Variants in KCNH1 observed in about 807,000 individuals in gnomAD.
KCNH1 encodes potassium voltage-gated channel subfamily H member 1, also known as voltage-gated delayed rectifier potassium channel KCNH1.
KCNH1 carries 27 observed loss-of-function variants against 69.2 expected under a neutral mutation model. The ratio of observed to expected loss-of-function variants is 0.39; its 90% CI spans 0.29 to 0.54. The LOEUF (loss-of-function observed/expected upper bound fraction) is 0.54. Among genes scored for constraint, KCNH1 ranks in the 20% least tolerant of loss-of-function variants. KCNH1 has a pLI of 0.68. For missense variants in KCNH1, 798 were observed against 1,261.6 expected (o/e 0.63, Z 5.57); for synonymous variants, 456 against 487.7 (o/e 0.93, Z 0.86).
intron 5 of KCNH1, among the ~76,000 whole-genome samples, chr1:211,043,911 C>A (rs1450689411): frequency 1.3e-5 from 2 of 152,140 alleles, no homozygotes; most frequent in Non-Finnish European, 2.9e-5. Flanking sequence ...TTAAAACTCT[C>A]AGCCAAATCA....
intron 7 of KCNH1, among the ~76,000 whole-genome samples, chr1:210,893,179 T>C (rs538731308): frequency 6.6e-6 from 1 of 152,294 alleles, no homozygotes; most frequent in African/African-American, 2.4e-5. Context: ...TCTGTTTACA[T>C]TTTTTATAGT....
chr1:210,924,193 G>C (rs1687520323), intron 6 of KCNH1, among the ~76,000 whole-genome samples: 1 of 152,220 alleles, frequency 6.6e-6, no homozygotes, highest in Non-Finnish European at 1.5e-5. Context: ...CTAACCTCCA[G>C]AACTGTGAGA....
chr1:211,065,660 A>G (rs1690516369), intron 5 of KCNH1, among the ~76,000 whole-genome samples: 1 of 152,202 alleles, frequency 6.6e-6, no homozygotes, highest in Admixed American at 6.5e-5. Flanking sequence ...AAATATAAGT[A>G]TGTGAGGTGA....
chr1:210,721,950 C>T (rs1158123462), intron 10 of KCNH1, among the ~76,000 whole-genome samples: 1 of 152,114 alleles, frequency 6.6e-6, no homozygotes, highest in Non-Finnish European at 1.5e-5. Context: ...TCTAAATGGA[C>T]TCAGGGTCTG....
At position 210,879,263 on chromosome 1, in the gene KCNH1, T is replaced by C. The variant is rs140543249; in HGVS notation, c.1462+40377A>G. ...AAACAGAATACTTCCTAACTCATTC[T>C]AGGAGGCCAGGATTACACTAATGCC... On this transcript the variant is annotated intron_variant, in intron 7 of 10. Transcript: ENST00000271751. Among the ~76,000 whole-genome samples the C allele has an allele frequency of 3.7e-3, 560 of 152,206 alleles. 4 individuals are homozygous for C. The highest frequency in any genetic ancestry group is 0.013 in the African/African-American group (541 of 41,580).
chr1:211,070,428 AAAACACAC>A (rs1378788180), intron 5 of KCNH1, among the ~76,000 whole-genome samples: 2 of 114,178 alleles, frequency 1.8e-5, no homozygotes, highest in African/African-American at 3.1e-5. Context: ...TAAAAAAAAA[AAAACACAC>A]ACACACACAC....
chr1:211,008,451 G>A (rs1689325895), intron 6 of KCNH1, among the ~76,000 whole-genome samples: 1 of 152,180 alleles, frequency 6.6e-6, no homozygotes, highest in South Asian at 2.1e-4. Flanking sequence ...TTCTTATGCA[G>A]CATTATACAA....
rs568153627 is a variant in KCNH1, at chr1:211,123,434, C to G, written c.79+10433G>C. Among the ~76,000 whole-genome samples the G allele has an allele frequency of 3.3e-5, 5 of 152,092 alleles. No homozygotes were observed. The South Asian group carries it at 1.0e-3, about 32-fold the overall frequency. On this transcript the variant is annotated intron_variant, in intron 1 of 10. Coordinates refer to ENST00000271751, the MANE Select transcript of KCNH1 (RefSeq NM_172362.3). The stretch of plus-strand genomic sequence containing the variant: ...GATACACAGGGGAGCATCTATGAGG[C>G]CATTTGAAGGGAGAACTGGACAGAA...
At chr1:211,094,851 C>G (rs1318133145) in intron 3 of KCNH1, among the ~76,000 whole-genome samples, 2 of 152,118 alleles carry the variant, frequency 1.3e-5, no homozygotes, top group Non-Finnish European at 2.9e-5. Flanking sequence ...TGGTACAGAC[C>G]AGTATTTCAA....
intron 5 of KCNH1, among the ~76,000 whole-genome samples, chr1:211,028,572 A>G (rs1689725325): frequency 6.6e-6 from 1 of 152,130 alleles, no homozygotes; most frequent in Non-Finnish European, 1.5e-5. Context: ...TAAAAAGAGA[A>G]GACAGAAATT....
chr1:210,872,546 C>A (rs922923356), intron 7 of KCNH1, among the ~76,000 whole-genome samples: 1 of 152,116 alleles, frequency 6.6e-6, no homozygotes, highest in Admixed American at 6.6e-5. Flanking sequence ...GCAGGCTGTA[C>A]AGAAAGCACG....
intron 7 of KCNH1, among the ~76,000 whole-genome samples, chr1:210,865,261 T>A (rs563909112): frequency 2.1e-4 from 32 of 152,374 alleles, no homozygotes; most frequent in African/African-American, 7.5e-4. Flanking sequence ...AATATTTTCA[T>A]ATGACAGCTC....
At chr1:210,914,928 C>G (rs1235867014) in intron 7 of KCNH1, among the ~76,000 whole-genome samples, 1 of 151,932 alleles carries the variant, frequency 6.6e-6, no homozygotes. Context: ...CTACCATTAG[C>G]AGAGAGAAAG....
At chr1:211,015,206 C>T (rs555855342) in intron 6 of KCNH1, among the ~76,000 whole-genome samples, 15 of 152,352 alleles carry the variant, frequency 9.8e-5, no homozygotes, top group African/African-American at 3.4e-4. Context: ...TTCTCTACCA[C>T]ATTCAGCCAA....
At chr1:210,787,651 C>CTGGGTATCCTTAGGCAGCTACAATG (rs1684129602) in intron 9 of KCNH1, among the ~76,000 whole-genome samples, 1 of 152,160 alleles carries the variant, frequency 6.6e-6, no homozygotes, top group Non-Finnish European at 1.5e-5. Context: ...GTGCAAGAAC[C>CTGGGTATCCTTAGGCAGCTACAATG]TGGGTATCCT....
chr1:210,875,219 A>T (rs894376873), intron 7 of KCNH1, among the ~76,000 whole-genome samples: 1 of 152,240 alleles, frequency 6.6e-6, no homozygotes, highest in Non-Finnish European at 1.5e-5. Context: ...TATCTATCAG[A>T]AACCTAGAGT....
chr1:211,047,717 C>G (rs989903301), intron 5 of KCNH1, among the ~76,000 whole-genome samples: 1 of 152,102 alleles, frequency 6.6e-6, no homozygotes, highest in Non-Finnish European at 1.5e-5. Flanking sequence ...AAGCAGTATT[C>G]AAAAACTAAT....
intron 10 of KCNH1, among the ~76,000 whole-genome samples, chr1:210,771,136 G>T (rs532239749): frequency 7.8e-4 from 118 of 152,190 alleles, no homozygotes; most frequent in Non-Finnish European, 1.5e-3. Flanking sequence ...ACAGACACAA[G>T]ATGATTCTAG....
intron 6 of KCNH1, among the ~76,000 whole-genome samples, chr1:211,007,840 C>G (rs1257696313): frequency 6.6e-6 from 1 of 152,068 alleles, no homozygotes; most frequent in East Asian, 1.9e-4. Context: ...TATAAAGAAT[C>G]CAAATTACAC....
Sources: gnomAD v4.1 joint callset for allele counts (sites outside exome capture counted in the v4.1 genomes callset) on GRCh38, gnomAD v4.1.1 for gene constraint, MANE v1.5 for transcripts, NCBI Gene and HGNC (gene_info 2026-07-23, HGNC 2026-07-21) for gene names.